PLCH2: variants seen among roughly 807,000 people sequenced by gnomAD.
PLCH2 encodes phospholipase C eta 2.
PLCH2 carries 98 observed loss-of-function variants against 134.7 expected under a neutral mutation model. That is an observed-to-expected ratio of 0.73 (90% CI 0.62 to 0.86). The LOEUF is 0.86. Among genes scored for constraint, PLCH2 ranks in the 40% least tolerant of loss-of-function variants. The probability of loss-of-function intolerance (pLI) is 0.00; values close to 1 mark genes in which losing one functional copy is unlikely to be tolerated. For synonymous variants in PLCH2, 974 were observed against 827.5 expected (o/e 1.18, Z -3.04); for missense variants, 1,994 against 1,986.6 (o/e 1.00, Z -0.07).
intron 2 of PLCH2, among the ~76,000 whole-genome samples, chr1:2,450,671 C>A (rs1263723535): frequency 2.2e-5 from 1 of 45,004 alleles, no homozygotes; most frequent in Non-Finnish European, 4.5e-5. Flanking sequence ...CCCTGCTCCC[C>A]GCCTACCCCC....
At chr1:2,475,911 C>A (rs1378199247), upstream of PLCH2, among the ~76,000 whole-genome samples, 2 of 152,164 alleles carry the variant, frequency 1.3e-5, no homozygotes, top group Non-Finnish European at 2.9e-5. Context: ...GGGCCACCTG[C>A]CTCTGGACTT....
In PLCH2 at chr1:2,499,721, G is replaced by A. The variant is rs1225758314; in HGVS notation, c.2661+1G>A. 6.3e-7 allele frequency: 1 copy of A among 1,577,750 alleles called. No homozygotes were observed. The highest frequency in any genetic ancestry group is 8.6e-7 in the Non-Finnish European group (1 of 1,162,214). ...GGCTGTCAGTGACATCAGCGGTAAG[G>A]TGAGTGTCACCCCCTGCCACCAGCC... On this transcript the variant is annotated splice_donor_variant, in intron 20 of 21. Transcript: ENST00000378486. LOFTEE classifies it high-confidence loss of function.
At chr1:2,443,594 T>TAGCCCCGCCGTG (rs2100533141) in intron 2 of PLCH2, among the ~76,000 whole-genome samples, 1 of 1,178 alleles carries the variant, frequency 8.5e-4, no homozygotes, top group East Asian at 0.036. Context: ...GCGGGCCGGC[T>TAGCCCCGCCGTG]AGCCCCGCGC....
At chr1:2,480,682 G>T (rs78010027) in intron 4 of PLCH2, among the ~76,000 whole-genome samples, 1 of 152,204 alleles carries the variant, frequency 6.6e-6, no homozygotes, top group Non-Finnish European at 1.5e-5. Flanking sequence ...AGCCTCGAGG[G>T]GGGTACACCA....
chr1:2,498,281 T>A lies in PLCH2; in HGVS notation c.2225-242T>A. Reference sequence around the variant, plus strand: ...CACCCCCAGAAGCCATGTGACCTCCTCGGCTCAGCTGTGGGAGGCATGGGC... The same window carrying A: ...CACCCCCAGAAGCCATGTGACCTCCACGGCTCAGCTGTGGGAGGCATGGGC... On this transcript the variant is annotated intron_variant, in intron 16 of 21. Transcript: ENST00000378486. The surrounding 1 kb of genome is among the most constrained non-coding windows in gnomAD (Gnocchi z 5.4). 6.2e-5 allele frequency: 23 copies of A among 373,400 alleles called. No individual in the cohort carries two copies. The highest frequency in any genetic ancestry group is 7.6e-4 in the Middle Eastern group (1 of 1,314). The allele number at this position is 373,400 out of a possible 1,614,324, so 23.1% of individuals were successfully genotyped here.
chr1:2,505,170 C>T lies in PLCH2; in HGVS notation c.4208C>T (p.Pro1403Leu), dbSNP rs764014597. The change falls in exon 22 of 22, where the codon CCA becomes CTA. Residue 1403 changes from proline (P) to leucine (L), a missense_variant. Physicochemically the swap from Pro to Leu is moderately conservative, Grantham distance 98. Transcript: ENST00000378486. ...GCACCCTCCAAGGGAGCCCTCGGGC[C>T]AGCATCCGCGGCTGCTGAAAACCTG... ...APAPSKGALGPASAAAENLVL... is the reference protein window; with the variant it reads ...APAPSKGALGLASAAAENLVL... The T allele has an allele frequency of 1.9e-6, 3 of 1,570,630 alleles. No homozygotes were observed. Among genetic ancestry groups the T allele is most frequent in the Non-Finnish European group, 2.6e-6 (3 of 1,168,224 alleles).
rs201519017 is a variant in PLCH2, at chr1:2,484,630, G to A, written c.816+12G>A. 162 of 1,608,634 alleles carry A rather than the reference G, an allele frequency of 1.0e-4. 1 individual carries two copies. The highest frequency in any genetic ancestry group is 6.7e-4 in the African/African-American group (50 of 75,034). On this transcript the variant is annotated intron_variant, in intron 5 of 21. Transcript: ENST00000378486. ...AGGTGGAGCAGAAGGTGTGCTGCCC[G>A]GGGCAGGTGTTGGGGGGCCAGCCAT... is the stretch of plus-strand genomic sequence containing the variant.
intron 1 of PLCH2, among the ~76,000 whole-genome samples, chr1:2,477,633 C>G (rs1641705723): frequency 6.6e-6 from 1 of 152,120 alleles, no homozygotes. Context: ...TCCCTGGACC[C>G]TGCAGCCCCC....
chr1:2,502,860 T>C (rs1364299642), intron 21 of PLCH2: 1 of 717,056 alleles, frequency 1.4e-6, no homozygotes, highest in African/African-American at 1.7e-5. Flanking sequence ...AGTGCCTTGT[T>C]TGCTCAAAAG....
At chr1:2,445,933 G>A (rs1224165471) in intron 2 of PLCH2, among the ~76,000 whole-genome samples, 4 of 152,190 alleles carry the variant, frequency 2.6e-5, no homozygotes, top group Non-Finnish European at 5.9e-5. Context: ...AGCTGCTGTC[G>A]CACCCACAGT....
At chr1:2,417,470 A>C in the PLCH2 span, among the ~76,000 whole-genome samples, 1 of 152,076 alleles carries the variant, frequency 6.6e-6, no homozygotes, top group Non-Finnish European at 1.5e-5. Context: ...TGAGTCTGGA[A>C]TCACACAGGG....
chr1:2,443,361 G>T (rs114433008), intron 2 of PLCH2, among the ~76,000 whole-genome samples: 1,645 of 152,310 alleles, frequency 0.011, 29 homozygotes, highest in African/African-American at 0.036. Flanking sequence ...TGTTGGGAGT[G>T]GGGGGTGGGT....
intron 4 of PLCH2, among the ~76,000 whole-genome samples, chr1:2,481,019 CACACGCACACGCATGCACGTGCATAAAT>C (rs1360817518): frequency 3.3e-5 from 5 of 152,234 alleles, no homozygotes; most frequent in African/African-American, 4.8e-5. Flanking sequence ...TACACGCACA[CACACGCACACGCATGCACGTGCATAAAT>C]ACACGCACAC....
the PLCH2 span, among the ~76,000 whole-genome samples, chr1:2,416,458 C>T: frequency 2.6e-5 from 4 of 152,346 alleles, no homozygotes; most frequent in Admixed American, 6.5e-5. Flanking sequence ...ACCAGGAGAA[C>T]GGGTTCGTCT....
chr1:2,448,945 C>T lies in PLCH2; in HGVS notation c.115+18316C>T, dbSNP rs12406368. On this transcript the variant is annotated intron_variant, in intron 2 of 3. Coordinates refer to the PLCH2 transcript ENST00000609981. This position sits in a 1 kb window ranked among gnomAD's most constrained non-coding sequence, Gnocchi z 4.0. ...ATGCTCGTTTCGTCAAACTGTTGTA[C>T]GTGGCTCCTTTGCTGGCGCGGGGAA... 0.054 allele frequency among the ~76,000 whole-genome samples: 8,259 copies of T among 152,284 alleles called. 410 individuals are homozygous for T. Among genetic ancestry groups the T allele is most frequent in the East Asian group, 0.17 (875 of 5,154 alleles).
chr1:2,456,447 G>A (rs913295225), intron 2 of PLCH2, among the ~76,000 whole-genome samples: 1 of 152,224 alleles, frequency 6.6e-6, no homozygotes, highest in Non-Finnish European at 1.5e-5. Flanking sequence ...ATTGCCCCTT[G>A]CTCTCAGCTG....
At chr1:2,486,756 G>GT in intron 5 of PLCH2, 151 bp from the exon 6 acceptor site, 1 of 669,722 alleles carries the variant, frequency 1.5e-6, no homozygotes, top group Non-Finnish European at 2.7e-6. Flanking sequence ...ATCCACGGTA[G>GT]TCCCAAGTCA....
intron 15 of PLCH2, among the ~76,000 whole-genome samples, chr1:2,497,228 T>C (rs1642944846): frequency 6.6e-6 from 1 of 152,208 alleles, no homozygotes; most frequent in African/African-American, 2.4e-5. Flanking sequence ...TTGTGGGGGA[T>C]GTGGGAGCGA....
At chr1:2,427,546 A>C (rs1053162743) in intron 1 of PLCH2, among the ~76,000 whole-genome samples, 2 of 152,142 alleles carry the variant, frequency 1.3e-5, no homozygotes, top group Admixed American at 6.5e-5. Flanking sequence ...TGAGGCTCCC[A>C]CTTCTACCTG....
Sources: allele counts gnomAD v4.1 joint callset (sites outside exome capture counted in the v4.1 genomes callset), GRCh38; gene constraint gnomAD v4.1.1; non-coding constraint Gnocchi (gnomAD v3.1); transcripts MANE v1.5; gene names NCBI Gene and HGNC (gene_info 2026-07-23, HGNC 2026-07-21).